The following UBQLN2 variants were observed in gnomAD, a reference collection of about 807,000 sequenced individuals.
UBQLN2 encodes the protein ubiquilin-2.
UBQLN2 carries 2 observed loss-of-function variants against 22.2 expected under a neutral mutation model. That is an observed-to-expected ratio of 0.09 (90% CI 0.04 to 0.28). The LOEUF (loss-of-function observed/expected upper bound fraction) is 0.28. Ranked by LOEUF, UBQLN2 falls within the 10% of genes least tolerant of loss-of-function variation. UBQLN2 has a pLI of 1.00. For synonymous variants in UBQLN2, 252 were observed against 206.7 expected, an observed-to-expected ratio of 1.22 and a Z score of -1.88; for missense variants, 446 against 505.1, an observed-to-expected ratio of 0.88 and a Z score of 1.12.
chrX:56,565,441 C>T lies in UBQLN2; in HGVS notation c.1568C>T (p.Ala523Val), dbSNP rs1428945175. The change falls in exon 1 of 1, where the codon GCC becomes GTC. Residue 523 changes from alanine to valine, a missense_variant. Transcript: ENST00000338222. ...CCCATAGGACCCACTGGCCCTGCAG[C>T]CCCCCCTGGCTCCACCGGCTCTGGT... Reference protein sequence around the residue: ...IGPIGPTGPAAPPGSTGSGGP... With the variant: ...IGPIGPTGPAVPPGSTGSGGP... 2.5e-6 allele frequency: 3 copies of T among 1,191,348 alleles called. No individual in the cohort carries two copies. Among genetic ancestry groups the T allele is most frequent in the Non-Finnish European group, 2.3e-6 (2 of 884,961 alleles).
rs757794653 is a variant in UBQLN2, at chrX:56,566,935, T to A, written c.*1187T>A. On this transcript the variant is annotated 3_prime_UTR_variant, in exon 1 of 1. Coordinates refer to ENST00000338222, the MANE Select transcript of UBQLN2 (RefSeq NM_013444.4). The stretch of plus-strand genomic sequence containing the variant: ...AAAAATGACTAAAAAAAATAAAAAA[T>A]TAAAAAATGGATAAATCTTTTCTTT... 4.0e-5 allele frequency: 5 copies of A among 123,472 alleles called. No individual in the cohort carries two copies. The South Asian group carries it at 1.5e-3, about 37-fold the overall frequency. 10.2% of individuals were successfully genotyped at this position (123,472 alleles called of 1,213,427 possible).
chrX:56,566,060 T>C lies in UBQLN2; in HGVS notation c.*312T>C. The C allele has an allele frequency of 2.8e-6, 1 of 362,882 alleles. No homozygotes were observed. Among genetic ancestry groups the C allele is most frequent in the East Asian group, 5.1e-5 (1 of 19,615 alleles). 29.9% of individuals were successfully genotyped at this position (362,882 alleles called of 1,213,427 possible). ...TTGAGTGGTGGGAATCAATGCTGTTTCACTCAAAAGTGTTGCATGCAAACA... is the reference window on the plus strand; with the variant it reads ...TTGAGTGGTGGGAATCAATGCTGTTCCACTCAAAAGTGTTGCATGCAAACA... On this transcript the variant is annotated 3_prime_UTR_variant, in exon 1 of 1. Transcript: ENST00000338222.
Position 56,566,070 on chromosome X carries a change from G to T in UBQLN2, c.*322G>T. The T allele has an allele frequency of 2.9e-6, 1 of 341,050 alleles. No individual in the cohort carries two copies. Among genetic ancestry groups the T allele is most frequent in the Non-Finnish European group, 5.3e-6 (1 of 187,435 alleles). 28.1% of individuals were successfully genotyped at this position (341,050 alleles called of 1,213,427 possible). ...GGAATCAATGCTGTTTCACTCAAAA[G>T]TGTTGCATGCAAACACTTCTCTTTA... On this transcript the variant is annotated 3_prime_UTR_variant, in exon 1 of 1. Coordinates refer to ENST00000338222, the MANE Select transcript of UBQLN2 (RefSeq NM_013444.4).
In UBQLN2 at chrX:56,563,870, C is replaced by A; in HGVS notation, c.-4C>A. 5 of 1,146,832 alleles carry A rather than the reference C, an allele frequency of 4.4e-6. No individual in the cohort carries two copies. The South Asian group carries it at 1.0e-4, about 24-fold the overall frequency. 94.5% of individuals were successfully genotyped at this position (1,146,832 alleles called of 1,213,427 possible). ...CCCTGCCCGCCTGCGTCACCGCGGCCGCCATGGCTGAGAATGGCGAGAGCA... is the reference window on the plus strand; with the variant it reads ...CCCTGCCCGCCTGCGTCACCGCGGCAGCCATGGCTGAGAATGGCGAGAGCA... On this transcript the variant is annotated 5_prime_UTR_variant, in exon 1 of 1. Coordinates refer to ENST00000338222, the MANE Select transcript of UBQLN2 (RefSeq NM_013444.4).
chrX:56,565,863 C>A lies in UBQLN2; in HGVS notation c.*115C>A. The A allele has an allele frequency of 1.3e-6, 1 of 795,237 alleles. No homozygotes were observed. The highest frequency in any genetic ancestry group is 1.9e-6 in the Non-Finnish European group (1 of 538,316). 65.5% of individuals were successfully genotyped at this position (795,237 alleles called of 1,213,427 possible). On this transcript the variant is annotated 3_prime_UTR_variant, in exon 1 of 1. Transcript: ENST00000338222. Reference sequence around the variant, plus strand: ...TTCATTTTGATTCTTTTAAATCTGTCTAGTTGTAAGTCTAATATGATGCAT... The same window carrying A: ...TTCATTTTGATTCTTTTAAATCTGTATAGTTGTAAGTCTAATATGATGCAT...
chrX:56,565,996 T>C lies in UBQLN2; in HGVS notation c.*248T>C. The C allele has an allele frequency of 2.3e-6, 1 of 429,473 alleles. No individual in the cohort carries two copies. Among genetic ancestry groups the C allele is most frequent in the Non-Finnish European group, 4.2e-6 (1 of 239,894 alleles). The allele number at this position is 429,473 out of a possible 1,213,427, so 35.4% of individuals were successfully genotyped here. A position where few individuals can be genotyped will look rare whatever the true frequency, so the allele number is the denominator to read the frequency against. On this transcript the variant is annotated 3_prime_UTR_variant, in exon 1 of 1. Transcript: ENST00000338222. Reference sequence around the variant, plus strand: ...CCCCACTCCCTCCCTCTTTGTTTCCTTCCTTCCTTATTTCCTTTAGTTTCC... The same window carrying C: ...CCCCACTCCCTCCCTCTTTGTTTCCCTCCTTCCTTATTTCCTTTAGTTTCC...
chrX:56,564,104 C>G lies in UBQLN2; in HGVS notation c.231C>G (p.Ala77=). 1 of 1,209,987 alleles carries G rather than the reference C, an allele frequency of 8.3e-7. No homozygotes were observed. Among genetic ancestry groups the G allele is most frequent in the Non-Finnish European group, 1.1e-6 (1 of 894,147 alleles). ...CCGATCAGCTAGTGCTGATTTTTGC[C>G]GGAAAAATCTTAAAAGATCAAGATA... The part of the protein sequence containing the change: ...SQTDQLVLIF[A]GKILKDQDTL... The change falls in exon 1 of 1, where the codon GCC becomes GCG. Residue 77 remains alanine (A), a synonymous_variant. Transcript: ENST00000338222.
rs1221250853 is a variant in UBQLN2 at position 56,565,521 on chromosome X, A to G, written c.1648A>G (p.Thr550Ala). ...TGCACCTAGTGAAACCACGAGTCCT[A>G]CATCAGAATCTGGACCCAACCAGCA... The part of the protein sequence containing the change: ...SAAPSETTSP[T>A]SESGPNQQFI... The change falls in exon 1 of 1, where the codon ACA (threonine) becomes GCA (alanine). Residue 550 changes from threonine to alanine, a missense_variant. By Grantham distance (58) the Thr-to-Ala change is moderately conservative. Around this residue, in one of 3 missense-constraint regions of UBQLN2, gnomAD observed 278 missense variants for 279.4 expected, o/e 1.00. Coordinates refer to ENST00000338222, the MANE Select transcript of UBQLN2 (RefSeq NM_013444.4). 4.1e-6 allele frequency: 5 copies of G among 1,209,103 alleles called. No homozygotes were observed. The African/African-American group carries it at 5.2e-5, about 13-fold the overall frequency.
At position 56,564,913 on chromosome X, in the gene UBQLN2, G is replaced by A. The variant is rs910581069; in HGVS notation, c.1040G>A (p.Ser347Asn). The change falls in exon 1 of 1, where the codon AGC becomes AAC. Residue 347 changes from serine (S) to asparagine (N), a missense_variant. Coordinates refer to ENST00000338222, the MANE Select transcript of UBQLN2 (RefSeq NM_013444.4). ...STGSGSGNSS[S>N]NATGNTVAAA... is the part of the protein sequence containing the mutation. ...GGTAGTGGGTCTGGCAATAGTTCCA[G>A]CAATGCTACTGGGAACACCGTTGCT... 1 of 1,209,103 alleles carries A rather than the reference G, an allele frequency of 8.3e-7. No homozygotes were observed. The highest frequency in any genetic ancestry group is 1.8e-5 in the African/African-American group (1 of 56,972).
In UBQLN2 at chrX:56,565,647, A is replaced by T; in HGVS notation, c.1774A>T (p.Met592Leu). Residue 592 changes from methionine (M) to leucine (L), a missense_variant, in exon 1 of 1, where the codon ATG becomes TTG. By Grantham distance (15) the Met-to-Leu change is conservative. This residue lies in a region of UBQLN2 where 278 missense variants were observed against 279.4 expected (regional missense o/e 1.00). Coordinates refer to ENST00000338222, the MANE Select transcript of UBQLN2 (RefSeq NM_013444.4). Reference protein sequence around the residue: ...FQQQLEQLNAMGFLNREANLQ... With the variant: ...FQQQLEQLNALGFLNREANLQ... ...GCAACAACTGGAACAGCTCAACGCA[A>T]TGGGGTTCTTAAACCGTGAAGCAAA... 1 of 1,212,228 alleles carries T rather than the reference A, an allele frequency of 8.2e-7. No individual in the cohort carries two copies. Among genetic ancestry groups the T allele is most frequent in the Non-Finnish European group, 1.1e-6 (1 of 895,559 alleles).
Position 56,565,704 on chromosome X carries a change from A to G in UBQLN2, c.1831A>G (p.Ile611Val). Residue 611 changes from isoleucine to valine, a missense_variant, in exon 1 of 1, where the codon ATC (isoleucine) becomes GTC (valine). Coordinates refer to ENST00000338222, the MANE Select transcript of UBQLN2 (RefSeq NM_013444.4). ...LQALIATGGD[I>V]NAAIERLLGS... is the part of the protein sequence containing the mutation. ...GGCCCTAATAGCAACAGGAGGCGAC[A>G]TCAATGCAGCCATTGAAAGGCTGCT... is the stretch of plus-strand genomic sequence containing the variant. 5 of 1,211,479 alleles carry G rather than the reference A, an allele frequency of 4.1e-6. No homozygotes were observed. The highest frequency in any genetic ancestry group is 5.6e-6 in the Non-Finnish European group (5 of 895,157).
rs2068632349 is a variant in UBQLN2, at chrX:56,564,744, C to A, written c.871C>A (p.Pro291Thr). 7 of 1,211,297 alleles carry A rather than the reference C, an allele frequency of 5.8e-6. No homozygotes were observed. Among genetic ancestry groups the A allele is most frequent in the East Asian group, 3.0e-5 (1 of 33,811 alleles). ...CGCACAAGAGCAGTTTGGGGGTAAT[C>A]CATTTGCCTCCGTGGGGAGTAGTTC... is the stretch of plus-strand genomic sequence containing the variant. ...NAAQEQFGGN[P>T]FASVGSSSSS... Residue 291 changes from proline (P) to threonine (T), a missense_variant, in exon 1 of 1, where the codon CCA becomes ACA. Around this residue, in one of 3 missense-constraint regions of UBQLN2, gnomAD observed 278 missense variants for 279.4 expected, o/e 1.00. Coordinates refer to ENST00000338222, the MANE Select transcript of UBQLN2 (RefSeq NM_013444.4).
In UBQLN2 at chrX:56,564,439, C is replaced by T; in HGVS notation, c.566C>T (p.Pro189Leu). The T allele has an allele frequency of 8.3e-7, 1 of 1,211,332 alleles. No individual in the cohort carries two copies. The highest frequency in any genetic ancestry group is 1.1e-6 in the Non-Finnish European group (1 of 895,406). ...ATGATGATCCAAATAATGGAAAATCCCTTTGTTCAGAGCATGCTTTCGAAT... is the reference window on the plus strand; with the variant it reads ...ATGATGATCCAAATAATGGAAAATCTCTTTGTTCAGAGCATGCTTTCGAAT... The part of the protein sequence containing the change: ...PEMMIQIMEN[P>L]FVQSMLSNPD... Residue 189 changes from proline to leucine, a missense_variant, in exon 1 of 1, where the codon CCC (proline) becomes CTC (leucine). This residue lies in a region of UBQLN2 where 129 missense variants were observed against 198.1 expected (regional missense o/e 0.65). Coordinates refer to ENST00000338222, the MANE Select transcript of UBQLN2 (RefSeq NM_013444.4).
In UBQLN2 at chrX:56,565,090, C is replaced by T; in HGVS notation, c.1217C>T (p.Ala406Val). 8.3e-7 allele frequency: 1 copy of T among 1,211,954 alleles called. No homozygotes were observed. Among genetic ancestry groups the T allele is most frequent in the Non-Finnish European group, 1.1e-6 (1 of 895,482 alleles). ...MQSLSQNPDL[A>V]AQMMLNSPLF... The stretch of plus-strand genomic sequence containing the variant: ...TCGCTGAGCCAGAATCCAGATTTGG[C>T]TGCACAGATGATGCTGAATAGCCCG... Residue 406 changes from alanine to valine, a missense_variant, in exon 1 of 1, where the codon GCT (alanine) becomes GTT (valine). By Grantham distance (64) the Ala-to-Val change is moderately conservative. Transcript: ENST00000338222.
Position 56,565,481 on chromosome X carries a change from T to C in UBQLN2, c.1608T>C (p.Pro536=), listed in dbSNP as rs1338317834. ...CCGGCTCTGGTGGCCCCACGGGGCC[T>C]ACTGTGTCCAGCGCTGCACCTAGTG... is the stretch of plus-strand genomic sequence containing the variant. ...GSTGSGGPTG[P]TVSSAAPSET... Residue 536 remains proline (P), a synonymous_variant, in exon 1 of 1, where the codon CCT becomes CCC. Transcript: ENST00000338222. 1 of 1,204,040 alleles carries C rather than the reference T, an allele frequency of 8.3e-7. No homozygotes were observed. Among genetic ancestry groups the C allele is most frequent in the Non-Finnish European group, 1.1e-6 (1 of 891,291 alleles).
Position 56,565,072 on chromosome X carries a change from G to A in UBQLN2, c.1199G>A (p.Ser400Asn). The A allele has an allele frequency of 2.5e-6, 3 of 1,211,982 alleles. No individual in the cohort carries two copies. Among genetic ancestry groups the A allele is most frequent in the Non-Finnish European group, 3.3e-6 (3 of 895,528 alleles). ...ATGAGAAGCATGATGCAGTCGCTGA[G>A]CCAGAATCCAGATTTGGCTGCACAG... ...PYMRSMMQSL[S>N]QNPDLAAQMM... Residue 400 changes from serine to asparagine, a missense_variant, in exon 1 of 1, where the codon AGC (serine) becomes AAC (asparagine). Around this residue, in one of 3 missense-constraint regions of UBQLN2, gnomAD observed 278 missense variants for 279.4 expected, o/e 1.00. Transcript: ENST00000338222.
rs2068637892 is a variant in UBQLN2 at position 56,565,504 on chromosome X, G to A, written c.1631G>A (p.Ser544Asn). The change falls in exon 1 of 1, where the codon AGT (serine) becomes AAT (asparagine). Residue 544 changes from serine to asparagine, a missense_variant. Coordinates refer to ENST00000338222, the MANE Select transcript of UBQLN2 (RefSeq NM_013444.4). Reference sequence around the variant, plus strand: ...CCTACTGTGTCCAGCGCTGCACCTAGTGAAACCACGAGTCCTACATCAGAA... The same window carrying A: ...CCTACTGTGTCCAGCGCTGCACCTAATGAAACCACGAGTCCTACATCAGAA... ...TGPTVSSAAPSETTSPTSESG... is the reference protein window; with the variant it reads ...TGPTVSSAAPNETTSPTSESG... The A allele has an allele frequency of 8.3e-7, 1 of 1,208,376 alleles. No individual in the cohort carries two copies.
chrX:56,564,130 C>T lies in UBQLN2; in HGVS notation c.257C>T (p.Thr86Ile). The change falls in exon 1 of 1, where the codon ACC becomes ATC. Residue 86 changes from threonine to isoleucine, a missense_variant. This residue lies in a region of UBQLN2 where 129 missense variants were observed against 198.1 expected (regional missense o/e 0.65). Transcript: ENST00000338222. The part of the protein sequence containing the change: ...FAGKILKDQD[T>I]LIQHGIHDGL... ...GGAAAAATCTTAAAAGATCAAGATA[C>T]CTTGATCCAGCATGGCATCCATGAT... 2 of 1,210,286 alleles carry T rather than the reference C, an allele frequency of 1.7e-6. No homozygotes were observed. Among genetic ancestry groups the T allele is most frequent in the Non-Finnish European group, 2.2e-6 (2 of 894,022 alleles).
Position 56,566,075 on chromosome X carries a change from G to A in UBQLN2, c.*327G>A. On this transcript the variant is annotated 3_prime_UTR_variant, in exon 1 of 1. Transcript: ENST00000338222. ...CAATGCTGTTTCACTCAAAAGTGTT[G>A]CATGCAAACACTTCTCTTTATTCTG... is the stretch of plus-strand genomic sequence containing the variant. 1 of 332,193 alleles carries A rather than the reference G, an allele frequency of 3.0e-6. No individual in the cohort carries two copies. Among genetic ancestry groups the A allele is most frequent in the Non-Finnish European group, 5.5e-6 (1 of 182,276 alleles). The allele number at this position is 332,193 out of a possible 1,213,427, so 27.4% of individuals were successfully genotyped here.
Sources: gnomAD v4.1 joint callset for allele counts on GRCh38, gnomAD v4.1.1 for gene constraint, gnomAD v4.1.1 regional missense constraint, MANE v1.5 for transcripts, NCBI Gene and HGNC (gene_info 2026-07-23, HGNC 2026-07-21) for gene names.